Variants in MPPED2 observed in about 807,000 individuals in gnomAD.
MPPED2 encodes metallophosphoesterase domain containing 2.
A neutral mutation model predicts 33.0 loss-of-function variants in MPPED2; 5 were observed. That is an observed-to-expected ratio of 0.15 (90% CI 0.08 to 0.32). MPPED2 has a LOEUF of 0.32. Among genes scored for constraint, MPPED2 ranks in the 10% least tolerant of loss-of-function variants. The probability of loss-of-function intolerance (pLI) is 1.00; values close to 1 mark genes in which losing one functional copy is unlikely to be tolerated. For synonymous variants in MPPED2, 136 were observed against 141.9 expected (o/e 0.96, Z 0.29); for missense variants, 275 against 372.1 (o/e 0.74, Z 2.15).
intron 2 of MPPED2, among the ~76,000 whole-genome samples, chr11:30,560,095 G>A (rs1207154519): frequency 6.6e-6 from 1 of 152,084 alleles, no homozygotes; most frequent in East Asian, 1.9e-4. Flanking sequence ...GGAGAGGGGA[G>A]GTGTTGTATG....
chr11:30,478,265 C>T (rs1410206679), intron 4 of MPPED2, among the ~76,000 whole-genome samples: 1 of 151,884 alleles, frequency 6.6e-6, no homozygotes. Context: ...TCCTCCATAA[C>T]TAAAAGAGAA....
rs1344244732 is a variant in MPPED2 at position 30,410,431 on chromosome 11, A to G, written c.*1037T>C. The G allele has an allele frequency of 1.0e-6, 1 of 976,720 alleles. No homozygotes were observed. The highest frequency in any genetic ancestry group is 6.5e-5 in the Admixed American group (1 of 15,308). 60.5% of individuals were successfully genotyped at this position (976,720 alleles called of 1,614,324 possible). A position where few individuals can be genotyped will look rare whatever the true frequency, so the allele number is the denominator to read the frequency against. The stretch of plus-strand genomic sequence containing the variant: ...CGAAGATTGCATCGACACACAGTGC[A>G]AAATGGGAGAGGGGAGAGGAAGTAA... On this transcript the variant is annotated 3_prime_UTR_variant, in exon 7 of 7. Transcript: ENST00000358117.
At chr11:30,417,484 C>A in intron 5 of MPPED2, 34 bp downstream of exon 5, 1 of 1,263,276 alleles carries the variant, frequency 7.9e-7, no homozygotes, top group Non-Finnish European at 1.2e-6. Flanking sequence ...AAAAAGGCAT[C>A]TGGATGACAA....
chr11:30,439,759 C>T (rs573411722), intron 4 of MPPED2, among the ~76,000 whole-genome samples: 2 of 152,260 alleles, frequency 1.3e-5, no homozygotes, highest in South Asian at 2.1e-4. Flanking sequence ...ATTTATTTAC[C>T]TTTGTAATTT....
chr11:30,502,305 A>G (rs2134249818), intron 3 of MPPED2, among the ~76,000 whole-genome samples: 1 of 152,288 alleles, frequency 6.6e-6, no homozygotes, highest in African/African-American at 2.4e-5. Flanking sequence ...GCCATTATCC[A>G]TCTATAGTAA....
At chr11:30,520,990 T>C (rs1306269608) in intron 3 of MPPED2, among the ~76,000 whole-genome samples, 1 of 151,966 alleles carries the variant, frequency 6.6e-6, no homozygotes, top group East Asian at 1.9e-4. Context: ...ATTGGAAAAA[T>C]ACTGAAAATT....
chr11:30,438,399 A>C (rs1397744184), intron 4 of MPPED2, among the ~76,000 whole-genome samples: 1 of 152,246 alleles, frequency 6.6e-6, no homozygotes, highest in Non-Finnish European at 1.5e-5. Context: ...TAGGAATAAG[A>C]AGGTTTAAGT....
intron 2 of MPPED2, among the ~76,000 whole-genome samples, chr11:30,556,370 C>T (rs1212396911): frequency 2.0e-5 from 3 of 152,154 alleles, no homozygotes; most frequent in Non-Finnish European, 4.4e-5. Context: ...GTGAAGATGT[C>T]ATCCTAGGTC....
chr11:30,499,379 T>C (rs1418970833), intron 3 of MPPED2, among the ~76,000 whole-genome samples: 4 of 152,198 alleles, frequency 2.6e-5, no homozygotes, highest in Non-Finnish European at 4.4e-5. Context: ...AATCCCAAAA[T>C]CCAAAATCTG....
At chr11:30,418,495 A>G (rs1291608469) in intron 4 of MPPED2, among the ~76,000 whole-genome samples, 2 of 152,232 alleles carry the variant, frequency 1.3e-5, no homozygotes, top group African/African-American at 2.4e-5. Context: ...TGCAAATACT[A>G]CAGGCTAAAT....
intron 3 of MPPED2, among the ~76,000 whole-genome samples, chr11:30,508,234 AT>A (rs1376148355): frequency 6.6e-6 from 1 of 152,234 alleles, no homozygotes; most frequent in Non-Finnish European, 1.5e-5. Flanking sequence ...AAATAAATAC[AT>A]AAAAAGGTGT....
chr11:30,526,572 T>A (rs1429202628), intron 3 of MPPED2, among the ~76,000 whole-genome samples: 1 of 152,180 alleles, frequency 6.6e-6, no homozygotes, highest in Non-Finnish European at 1.5e-5. Flanking sequence ...CTCTGGCATA[T>A]TCTCCTTTGT....
intron 3 of MPPED2, among the ~76,000 whole-genome samples, chr11:30,528,265 T>C (rs1207652445): frequency 6.6e-6 from 1 of 151,338 alleles, no homozygotes; most frequent in Non-Finnish European, 1.5e-5. Flanking sequence ...ATTTACTTTC[T>C]TTTTTTTTCA....
At chr11:30,399,142 C>T (rs1254695424) in intron 6 of MPPED2, among the ~76,000 whole-genome samples, 2 of 138,948 alleles carry the variant, frequency 1.4e-5, no homozygotes, top group Admixed American at 7.7e-5. Flanking sequence ...GATATGGAAA[C>T]ATTAAAAAAA....
intron 2 of MPPED2, among the ~76,000 whole-genome samples, chr11:30,573,952 T>C (rs1455552534): frequency 6.6e-6 from 1 of 152,166 alleles, no homozygotes; most frequent in Non-Finnish European, 1.5e-5. Context: ...GTACAATGTA[T>C]TTGTGTTTTA....
intron 4 of MPPED2, among the ~76,000 whole-genome samples, chr11:30,423,560 G>A (rs1204572906): frequency 6.6e-6 from 1 of 152,144 alleles, no homozygotes; most frequent in Non-Finnish European, 1.5e-5. Context: ...TTAAAAGTTA[G>A]CCATTCTTAT....
chr11:30,390,290 G>T (rs1248537416), intron 6 of MPPED2, among the ~76,000 whole-genome samples: 1 of 152,212 alleles, frequency 6.6e-6, no homozygotes. Context: ...GTCTTTGCCA[G>T]AAGCCACAAA....
intron 6 of MPPED2, among the ~76,000 whole-genome samples, chr11:30,401,548 C>T (rs542601694): frequency 1.4e-4 from 22 of 152,272 alleles, no homozygotes; most frequent in African/African-American, 3.4e-4. Context: ...GGGCTAAAAC[C>T]GAATATTTTT....
chr11:30,405,507 T>C (rs1947975481), downstream of MPPED2, among the ~76,000 whole-genome samples: 1 of 152,184 alleles, frequency 6.6e-6, no homozygotes, highest in African/African-American at 2.4e-5. Flanking sequence ...ATAGATGCTG[T>C]CAGATATGAA....
Sources: gnomAD v4.1 joint callset for allele counts (sites outside exome capture counted in the v4.1 genomes callset) on GRCh38, gnomAD v4.1.1 for gene constraint, MANE v1.5 for transcripts, NCBI Gene and HGNC (gene_info 2026-07-23, HGNC 2026-07-21) for gene names.